RYR3: variants seen among roughly 807,000 people sequenced by gnomAD.
The protein encoded by RYR3 is ryanodine receptor 3.
Under a neutral mutation model 584.3 loss-of-function variants are expected in RYR3, and 207 were observed. That is an observed-to-expected ratio of 0.35 (90% CI 0.32 to 0.40). The LOEUF (loss-of-function observed/expected upper bound fraction) is 0.40. Among genes scored for constraint, RYR3 ranks in the 10% least tolerant of loss-of-function variants. The probability of loss-of-function intolerance (pLI) is 1.00; values close to 1 mark genes in which losing one functional copy is unlikely to be tolerated. For missense variants in RYR3, 5,616 were observed against 6,089.2 expected (o/e 0.92, Z 2.59); for synonymous variants, 2,416 against 2,248.5 (o/e 1.07, Z -2.11).
intron 65 of RYR3, among the ~76,000 whole-genome samples, chr15:33,782,562 G>A (rs950140504): frequency 6.6e-6 from 1 of 151,232 alleles, no homozygotes; most frequent in Non-Finnish European, 1.5e-5. Flanking sequence ...TTTATCTAGA[G>A]CCGGAGAATG....
intron 1 of RYR3, among the ~76,000 whole-genome samples, chr15:33,353,798 C>A (rs1567080926): frequency 2.0e-5 from 3 of 151,882 alleles, no homozygotes; most frequent in Admixed American, 1.3e-4. Flanking sequence ...AGGTCTAGGG[C>A]AGATATTGCA....
At chr15:33,695,562 A>C (rs1301521608) in intron 38 of RYR3, among the ~76,000 whole-genome samples, 1 of 152,196 alleles carries the variant, frequency 6.6e-6, no homozygotes, top group Non-Finnish European at 1.5e-5. Flanking sequence ...GTGCAAAAAA[A>C]GGCTGTTCAG....
At chr15:33,622,640 T>C (rs968491099) in intron 19 of RYR3, among the ~76,000 whole-genome samples, 1 of 152,212 alleles carries the variant, frequency 6.6e-6, no homozygotes, top group Admixed American at 6.5e-5. Flanking sequence ...CAGTAAAGAT[T>C]TGTTAAATGG....
chr15:33,531,337 AT>A (rs1395583353), intron 4 of RYR3, among the ~76,000 whole-genome samples: 1 of 152,006 alleles, frequency 6.6e-6, no homozygotes, highest in Non-Finnish European at 1.5e-5. Flanking sequence ...TTATAAAAAA[AT>A]ATAATTTTAC....
At chr15:33,494,592 A>C (rs2051254977) in intron 2 of RYR3, among the ~76,000 whole-genome samples, 1 of 152,176 alleles carries the variant, frequency 6.6e-6, no homozygotes, top group African/African-American at 2.4e-5. Context: ...TTTATTCCTC[A>C]GACATTAGAA....
At position 33,838,533 on chromosome 15, in the gene RYR3, T is replaced by G; in HGVS notation, c.12553T>G (p.Phe4185Val). The stretch of plus-strand genomic sequence containing the variant: ...TGCGAAGGAGCTGGTGAAGGTGCTC[T>G]TCTCCTTTTTCTGGATGCTGTTCGT... ...MTAKELVKVL[F>V]SFFWMLFVGL... Residue 4185 changes from phenylalanine to valine, a missense_variant, in exon 89 of 104, where the codon TTC (phenylalanine) becomes GTC (valine). Around this residue, in one of 9 missense-constraint regions of RYR3, gnomAD observed 918 missense variants for 887.4 expected, o/e 1.03. Transcript: ENST00000634891. The G allele has an allele frequency of 6.2e-7, 1 of 1,613,950 alleles. No individual in the cohort carries two copies. The highest frequency in any genetic ancestry group is 8.5e-7 in the Non-Finnish European group (1 of 1,179,876).
At chr15:33,386,383 G>A (rs1347835530) in intron 1 of RYR3, among the ~76,000 whole-genome samples, 2 of 152,158 alleles carry the variant, frequency 1.3e-5, no homozygotes, top group Admixed American at 6.5e-5. Flanking sequence ...ATAAAAATAT[G>A]TGTTGCTAAT....
At chr15:33,393,360 C>G (rs1238565930) in intron 1 of RYR3, among the ~76,000 whole-genome samples, 1 of 152,198 alleles carries the variant, frequency 6.6e-6, no homozygotes, top group East Asian at 1.9e-4. Context: ...CTCCTCCCCT[C>G]AGTGTAGTGG....
At position 33,826,261 on chromosome 15, in the gene RYR3, G is replaced by C. The variant is rs375514319; in HGVS notation, c.11156G>C (p.Arg3719Pro). ...MVTEEGTLIVRERGEKVLQND... is the reference protein window; with the variant it reads ...MVTEEGTLIVPERGEKVLQND... ...TTTCTCTCATTACCAGTCATTGTTC[G>C]GGAACGTGGTAAGTTTCAGTTTCTG... Residue 3719 changes from arginine (R) to proline (P), a missense_variant, in exon 83 of 104, where the codon CGG becomes CCG. Arg to Pro is a moderately radical substitution (Grantham distance 103). This residue lies in a region of RYR3 where 954 missense variants were observed against 1,132.2 expected (regional missense o/e 0.84). Transcript: ENST00000634891. 1 of 1,613,598 alleles carries C rather than the reference G, an allele frequency of 6.2e-7. No individual in the cohort carries two copies. Among genetic ancestry groups the C allele is most frequent in the Non-Finnish European group, 8.5e-7 (1 of 1,179,660 alleles).
At chr15:33,843,096 G>C (rs2078478375) in intron 91 of RYR3, among the ~76,000 whole-genome samples, 1 of 151,972 alleles carries the variant, frequency 6.6e-6, no homozygotes, top group Non-Finnish European at 1.5e-5. Flanking sequence ...GAGATGGGTG[G>C]ATCACGAGGT....
At chr15:33,746,207 T>C (rs1329848532) in intron 53 of RYR3, 50 bp downstream of exon 53, 1 of 1,280,786 alleles carries the variant, frequency 7.8e-7, no homozygotes, top group Non-Finnish European at 1.1e-6. Flanking sequence ...GTTTCCTTCC[T>C]TGAGTGATTT....
intron 1 of RYR3, among the ~76,000 whole-genome samples, chr15:33,463,365 AG>A (rs1345357665): frequency 6.6e-6 from 1 of 151,894 alleles, no homozygotes; most frequent in Non-Finnish European, 1.5e-5. Flanking sequence ...AGTGTGTGCA[AG>A]CTTTTGGGTG....
chr15:33,551,801 A>T (rs1161546257), intron 10 of RYR3, among the ~76,000 whole-genome samples: 1 of 152,034 alleles, frequency 6.6e-6, no homozygotes, highest in Admixed American at 6.6e-5. Context: ...TCAAATTTAT[A>T]TCTATTTAGT....
intron 45 of RYR3, 140 bp from the exon 46 acceptor site, chr15:33,726,246 A>C (rs1007409456): frequency 8.0e-6 from 7 of 869,754 alleles, no homozygotes; most frequent in South Asian, 3.2e-5. Context: ...CCCTGTGGCC[A>C]CAAGTGTCTG....
chr15:33,749,869 A>G (rs2071110055), intron 55 of RYR3, 110 bp from the exon 56 acceptor site: 1 of 809,540 alleles, frequency 1.2e-6, no homozygotes, highest in Non-Finnish European at 2.0e-6. Flanking sequence ...GTCTGCTGTT[A>G]GTGTTCAGTG....
chr15:33,775,853 G>A (rs1259704391), intron 64 of RYR3, among the ~76,000 whole-genome samples: 1 of 152,070 alleles, frequency 6.6e-6, no homozygotes, highest in African/African-American at 2.4e-5. Context: ...TTATCTTTTG[G>A]CCCCCTTAAA....
intron 38 of RYR3, among the ~76,000 whole-genome samples, chr15:33,682,162 A>T (rs1423647019): frequency 6.6e-6 from 1 of 152,226 alleles, no homozygotes; most frequent in Non-Finnish European, 1.5e-5. Context: ...TAAGGGTCAC[A>T]CATGGTGGGC....
intron 3 of RYR3, among the ~76,000 whole-genome samples, chr15:33,520,326 T>A (rs1262154805): frequency 6.6e-6 from 1 of 152,220 alleles, no homozygotes. Flanking sequence ...AATCGGACTT[T>A]TTGAATGTTA....
intron 12 of RYR3, among the ~76,000 whole-genome samples, chr15:33,574,095 T>A (rs2058171916): frequency 1.3e-5 from 2 of 152,138 alleles, no homozygotes; most frequent in African/African-American, 4.8e-5. Context: ...CATAAGAGGC[T>A]TAGTGGCAAC....
Sources: allele counts gnomAD v4.1 joint callset (sites outside exome capture counted in the v4.1 genomes callset), GRCh38; gene constraint gnomAD v4.1.1; regional missense constraint gnomAD v4.1.1; transcripts MANE v1.5; gene names NCBI Gene and HGNC (gene_info 2026-07-23, HGNC 2026-07-21).